MCM5: variants seen among roughly 807,000 people sequenced by gnomAD.
MCM5 encodes minichromosome maintenance complex component 5, also known as DNA replication licensing factor MCM5.
MCM5 carries 46 observed loss-of-function variants against 79.9 expected under a neutral mutation model. The observed-to-expected ratio is 0.58, with a 90% CI of 0.45 to 0.74. The LOEUF (loss-of-function observed/expected upper bound fraction) is 0.74, where lower values mean the gene tolerates loss of function less well. MCM5 is among the 30% of genes least tolerant of loss of function. MCM5 has a pLI of 0.00. For missense variants in MCM5, 883 were observed against 1,017.0 expected, an observed-to-expected ratio of 0.87 and a Z score of 1.79; for synonymous variants, 404 against 390.5, an observed-to-expected ratio of 1.03 and a Z score of -0.41.
At chr22:35,447,072 G>T in the MCM5 span, among the ~76,000 whole-genome samples, 9 of 152,192 alleles carry the variant, frequency 5.9e-5, no homozygotes, top group African/African-American at 2.2e-4. Flanking sequence ...AAGACCAGGG[G>T]TTCAGCCCCA....
At chr22:35,407,792 T>G (rs1463810750) in intron 5 of MCM5, among the ~76,000 whole-genome samples, 1 of 152,240 alleles carries the variant, frequency 6.6e-6, no homozygotes, top group Non-Finnish European at 1.5e-5. Context: ...GCTGTCACTC[T>G]TTAATATGAT....
In MCM5 at chr22:35,424,473, TTAA is replaced by T. The variant is rs1932758998; in HGVS notation, c.*225_*227del. 1.0e-5 allele frequency: 5 copies of T among 495,136 alleles called. No individual in the cohort carries two copies. Among genetic ancestry groups the T allele is most frequent in the South Asian group, 2.8e-5 (1 of 35,090 alleles). 30.7% of individuals were successfully genotyped at this position (495,136 alleles called of 1,614,324 possible). A position where few individuals can be genotyped will look rare whatever the true frequency, so the allele number is the denominator to read the frequency against. ...CTGGGAAGTGTGCTTTTGGCATCCG[TTAA>T]TAATAAAGCCACGGTGTGTTCAGGT... On this transcript the variant is annotated 3_prime_UTR_variant, in exon 17 of 17. Coordinates refer to ENST00000216122, the MANE Select transcript of MCM5 (RefSeq NM_006739.4).
At chr22:35,434,120 T>C in the MCM5 span, among the ~76,000 whole-genome samples, 1 of 152,168 alleles carries the variant, frequency 6.6e-6, no homozygotes, top group African/African-American at 2.4e-5. Context: ...GCAGGCCTAA[T>C]GCTGGAGCTG....
In MCM5 at chr22:35,408,401, T is replaced by G; in HGVS notation, c.597-7T>G. 1 of 1,613,094 alleles carries G rather than the reference T, an allele frequency of 6.2e-7. No individual in the cohort carries two copies. Among genetic ancestry groups the G allele is most frequent in the South Asian group, 1.1e-5 (1 of 91,036 alleles). On this transcript the variant is annotated splice_region_variant and splice_polypyrimidine_tract_variant and intron_variant, in intron 5 of 16. Coordinates refer to ENST00000216122, the MANE Select transcript of MCM5 (RefSeq NM_006739.4). ...CTTTGGTGACTCTTTTCCCTTACCT[T>G]GTACAGAGATCAGGCTGGGCGCCCC...
chr22:35,432,074 G>C, the MCM5 span, among the ~76,000 whole-genome samples: 2 of 152,188 alleles, frequency 1.3e-5, no homozygotes, highest in African/African-American at 4.8e-5. Context: ...TGTATGCAGA[G>C]CTCTTAGACT....
At chr22:35,407,779 G>A (rs1932259780) in intron 5 of MCM5, among the ~76,000 whole-genome samples, 1 of 152,194 alleles carries the variant, frequency 6.6e-6, no homozygotes, top group Admixed American at 6.5e-5. Flanking sequence ...TTCACAGCAT[G>A]TAGCTGTCAC....
chr22:35,442,005 TC>T, the MCM5 span, among the ~76,000 whole-genome samples: 1 of 152,016 alleles, frequency 6.6e-6, no homozygotes, highest in Non-Finnish European at 1.5e-5. Flanking sequence ...CCTTCCAGTC[TC>T]CCCTGTTCCC....
At chr22:35,400,693 G>T in intron 2 of MCM5, 88 bp downstream of exon 2, 1 of 1,395,106 alleles carries the variant, frequency 7.2e-7, no homozygotes, top group Non-Finnish European at 9.5e-7. Context: ...GACAGTCAGG[G>T]CACAGATGGG....
At chr22:35,428,986 T>C (rs79813292), downstream of MCM5, among the ~76,000 whole-genome samples, 3 of 142,870 alleles carry the variant, frequency 2.1e-5, no homozygotes, top group Non-Finnish European at 4.6e-5. Flanking sequence ...TTTTTTTTTT[T>C]TTTTTTTTTT....
chr22:35,420,972 T>A (rs1019304834), intron 14 of MCM5, among the ~76,000 whole-genome samples: 33 of 151,518 alleles, frequency 2.2e-4, no homozygotes, highest in African/African-American at 8.0e-4. Context: ...CTACAAAAAA[T>A]AAAAAATTAG....
At chr22:35,403,094 G>T in intron 2 of MCM5, 113 bp from the exon 3 acceptor site, 1 of 1,259,332 alleles carries the variant, frequency 7.9e-7, no homozygotes, top group Non-Finnish European at 1.1e-6. Flanking sequence ...GGAATGGTGA[G>T]GTCATGGTGG....
the MCM5 span, among the ~76,000 whole-genome samples, chr22:35,448,755 G>T: frequency 3.3e-5 from 5 of 152,168 alleles, no homozygotes; most frequent in East Asian, 3.9e-4. Context: ...CAAACAACAC[G>T]CATTATTCTC....
chr22:35,405,731 C>A (rs1361326291), intron 4 of MCM5, among the ~76,000 whole-genome samples: 1 of 151,884 alleles, frequency 6.6e-6, no homozygotes, highest in Non-Finnish European at 1.5e-5. Context: ...ACATTACGGC[C>A]GGGCGCGGTG....
At chr22:35,432,414 G>A in the MCM5 span, among the ~76,000 whole-genome samples, 6 of 152,290 alleles carry the variant, frequency 3.9e-5, no homozygotes, top group South Asian at 4.1e-4. Context: ...TTACATAAGC[G>A]CCTCACCCTG....
In MCM5 at chr22:35,413,935, G is replaced by C. The variant is rs1409687364; in HGVS notation, c.1152G>C (p.Gly384=). 6.2e-7 allele frequency: 1 copy of C among 1,614,178 alleles called. No homozygotes were observed. Among genetic ancestry groups the C allele is most frequent in the Non-Finnish European group, 8.5e-7 (1 of 1,180,010 alleles). ...DINLLMLGDP[G]TAKSQLLKFV... ...ACCTGCTGATGCTAGGGGACCCTGG[G>C]ACAGCCAAGTCCCAGCTTCTGAAGT... The change falls in exon 9 of 17, where the codon GGG becomes GGC. Residue 384 remains glycine (G), a synonymous_variant. Transcript: ENST00000216122.
chr22:35,445,889 TACTC>T, the MCM5 span, among the ~76,000 whole-genome samples: 1,078 of 152,340 alleles, frequency 7.1e-3, 12 homozygotes, highest in African/African-American at 0.024. Flanking sequence ...TGATACCCGA[TACTC>T]AGAAAATTGG....
At chr22:35,416,208 C>T (rs1253788026) in intron 10 of MCM5, 131 bp from the exon 11 acceptor site, 13 of 984,770 alleles carry the variant, frequency 1.3e-5, no homozygotes, top group East Asian at 2.4e-5. Flanking sequence ...TAGAGGTGAC[C>T]TGGTTGCTGC....
the MCM5 span, among the ~76,000 whole-genome samples, chr22:35,453,799 G>GATATATATAT: frequency 5.7e-3 from 517 of 91,048 alleles, 8 homozygotes; most frequent in Non-Finnish European, 8.1e-3. Context: ...AGAGACAAAA[G>GATATATATAT]ATATATATAT....
intron 8 of MCM5, among the ~76,000 whole-genome samples, 157 bp from the exon 9 acceptor site, chr22:35,413,718 G>C (rs1191324628): frequency 2.6e-5 from 4 of 152,198 alleles, no homozygotes; most frequent in Non-Finnish European, 5.9e-5. Context: ...AGCTGGGTAG[G>C]AACATGGGTC....
Sources: allele counts gnomAD v4.1 joint callset (sites outside exome capture counted in the v4.1 genomes callset), GRCh38; gene constraint gnomAD v4.1.1; transcripts MANE v1.5; gene names NCBI Gene and HGNC (gene_info 2026-07-23, HGNC 2026-07-21).